TRPC7: variants seen among roughly 807,000 people sequenced by gnomAD.
TRPC7 encodes the protein transient receptor potential cation channel subfamily C member 7.
TRPC7 carries 42 observed loss-of-function variants against 90.1 expected under a neutral mutation model. The ratio of observed to expected loss-of-function variants is 0.47; its 90% CI spans 0.36 to 0.60. The LOEUF is 0.60. TRPC7 is among the 20% of genes least tolerant of loss of function. The pLI is 0.00. For synonymous variants in TRPC7, 451 were observed against 436.3 expected, an observed-to-expected ratio of 1.03 and a Z score of -0.42; for missense variants, 955 against 1,112.3, an observed-to-expected ratio of 0.86 and a Z score of 2.01.
chr5:136,301,346 TTTTTTTTTTTTTTTA>T lies in TRPC7; in HGVS notation c.963+14236_963+14250del, dbSNP rs1293281784. ...CCAGCCCAGGCATTTTTTTTTTTTT[TTTTTTTTTTTTTTTA>T]ACAAATCATAGTTGTCAGGCCTCTG... On this transcript the variant is annotated intron_variant, in intron 3 of 11. Coordinates refer to ENST00000513104, the MANE Select transcript of TRPC7 (RefSeq NM_020389.3). Among the ~76,000 whole-genome samples the T allele has an allele frequency of 1.6e-3, 194 of 122,556 alleles. 1 individual carries two copies. The highest frequency in any genetic ancestry group is 5.9e-3 in the African/African-American group (189 of 31,840). 80.4% of individuals were successfully genotyped at this position (122,556 alleles called of 152,430 possible).
chr5:136,216,327 C>T, intron 10 of TRPC7, 52 bp from the exon 11 acceptor site: 1 of 1,459,932 alleles, frequency 6.8e-7, no homozygotes, highest in Non-Finnish European at 9.5e-7. Flanking sequence ...AATGCAGAGG[C>T]AGCCTGCGTG....
intron 2 of TRPC7, among the ~76,000 whole-genome samples, chr5:136,337,115 G>C (rs2149849832): frequency 6.6e-6 from 1 of 152,298 alleles, no homozygotes; most frequent in Non-Finnish European, 1.5e-5. Context: ...CCTGGGAAGA[G>C]TCTGTCCACA....
intron 2 of TRPC7, among the ~76,000 whole-genome samples, chr5:136,330,698 C>A (rs1561721774): frequency 6.6e-6 from 1 of 152,244 alleles, no homozygotes; most frequent in Non-Finnish European, 1.5e-5. Flanking sequence ...GGAGATGAGA[C>A]TGGCTGAGCT....
At chr5:136,240,277 C>T (rs1756119357) in intron 7 of TRPC7, among the ~76,000 whole-genome samples, 1 of 152,290 alleles carries the variant, frequency 6.6e-6, no homozygotes, top group Admixed American at 6.5e-5. Flanking sequence ...AGTGCTTCCT[C>T]CTCCCTGTGC....
chr5:136,239,557 G>C (rs552669075), intron 7 of TRPC7, among the ~76,000 whole-genome samples: 1 of 152,286 alleles, frequency 6.6e-6, no homozygotes, highest in African/African-American at 2.4e-5. Context: ...CCTCTCCCTC[G>C]GTTTCTCTCA....
chr5:136,227,809 T>C (rs1170808144), intron 8 of TRPC7, among the ~76,000 whole-genome samples: 4 of 152,188 alleles, frequency 2.6e-5, no homozygotes, highest in African/African-American at 9.7e-5. Flanking sequence ...AGTTTCCTCA[T>C]CTGTAATATA....
intron 1 of TRPC7, among the ~76,000 whole-genome samples, chr5:136,359,178 C>A (rs1287768911): frequency 6.6e-6 from 1 of 152,166 alleles, no homozygotes; most frequent in African/African-American, 2.4e-5. Flanking sequence ...CCTGCTCAAA[C>A]CTTTTTGGTT....
intron 1 of TRPC7, among the ~76,000 whole-genome samples, chr5:136,359,634 G>A (rs1260209910): frequency 6.6e-6 from 1 of 152,138 alleles, no homozygotes; most frequent in Non-Finnish European, 1.5e-5. Flanking sequence ...TTCACAAATA[G>A]TGTGCAGGCA....
intron 3 of TRPC7, among the ~76,000 whole-genome samples, chr5:136,313,978 CACTA>C (rs1369438400): frequency 2.0e-5 from 3 of 152,212 alleles, no homozygotes; most frequent in African/African-American, 4.8e-5. Flanking sequence ...CAGACTTCTG[CACTA>C]ACTGAGTAAC....
chr5:136,216,474 T>A (rs1755273108), intron 10 of TRPC7, among the ~76,000 whole-genome samples, 199 bp from the exon 11 acceptor site: 1 of 152,170 alleles, frequency 6.6e-6, no homozygotes, highest in African/African-American at 2.4e-5. Context: ...CCCCGCAGGA[T>A]GCAATGTGCA....
intron 5 of TRPC7, among the ~76,000 whole-genome samples, chr5:136,253,289 T>G (rs1163330783): frequency 6.6e-6 from 1 of 152,204 alleles, no homozygotes; most frequent in African/African-American, 2.4e-5. Flanking sequence ...CCTTCACATT[T>G]ACTGATTACT....
chr5:136,343,883 C>T (rs1759923170), intron 2 of TRPC7, among the ~76,000 whole-genome samples: 1 of 152,074 alleles, frequency 6.6e-6, no homozygotes, highest in African/African-American at 2.4e-5. Flanking sequence ...ATTTTTAATA[C>T]CTCAAGACAG....
intron 2 of TRPC7, among the ~76,000 whole-genome samples, chr5:136,340,786 A>G (rs1205821976): frequency 6.6e-6 from 1 of 152,138 alleles, no homozygotes; most frequent in African/African-American, 2.4e-5. Context: ...AAAATACAGT[A>G]AAAACAGTAA....
At chr5:136,301,945 G>A (rs1480167254) in intron 3 of TRPC7, among the ~76,000 whole-genome samples, 4 of 152,162 alleles carry the variant, frequency 2.6e-5, no homozygotes, top group Admixed American at 1.3e-4. Context: ...TCCTCACACC[G>A]ACCAGCCCAA....
At chr5:136,253,146 TTGG>T (rs1756578753) in intron 5 of TRPC7, among the ~76,000 whole-genome samples, 1 of 152,216 alleles carries the variant, frequency 6.6e-6, no homozygotes, top group Non-Finnish European at 1.5e-5. Flanking sequence ...GATTAATATT[TTGG>T]ATATGATAGG....
intron 5 of TRPC7, among the ~76,000 whole-genome samples, chr5:136,253,364 T>C (rs947797132): frequency 6.6e-6 from 1 of 152,222 alleles, no homozygotes; most frequent in Non-Finnish European, 1.5e-5. Flanking sequence ...CTTTGCTTTA[T>C]TGTGCTTCAC....
chr5:136,223,320 A>T (rs1258474288), intron 10 of TRPC7, among the ~76,000 whole-genome samples: 3 of 152,204 alleles, frequency 2.0e-5, no homozygotes, highest in Non-Finnish European at 4.4e-5. Flanking sequence ...ACTGCTTTTG[A>T]AAATGGTCTC....
rs368396777 is a variant in TRPC7 at position 136,251,782 on chromosome 5, G to A, written c.1446C>T (p.Phe482=). ...NLLDFGMLSI[F]VASFTARFMA... is the part of the protein sequence containing the mutation. ...TGAAGCGTGCTGTGAAGGAGGCCAC[G>A]AAGATGGACAGCATCCCGAAATCTA... is the stretch of plus-strand genomic sequence containing the variant. The change falls in exon 6 of 12, where the codon TTC becomes TTT. Residue 482 remains phenylalanine (F), a synonymous_variant. Coordinates refer to ENST00000513104, the MANE Select transcript of TRPC7 (RefSeq NM_020389.3). 1.1e-5 allele frequency: 18 copies of A among 1,614,008 alleles called. No individual in the cohort carries two copies. The highest frequency in any genetic ancestry group is 1.7e-5 in the Admixed American group (1 of 60,022).
At position 136,247,725 on chromosome 5, in the gene TRPC7, C is replaced by T. The variant is rs1199355308; in HGVS notation, c.1590G>A (p.Lys530=). 1.9e-6 allele frequency: 3 copies of T among 1,612,102 alleles called. No individual in the cohort carries two copies. The highest frequency in any genetic ancestry group is 2.5e-6 in the Non-Finnish European group (3 of 1,178,424). The change falls in exon 7 of 12, where the codon AAG becomes AAA. Residue 530 remains lysine (K), a synonymous_variant. Coordinates refer to ENST00000513104, the MANE Select transcript of TRPC7 (RefSeq NM_020389.3). This position sits in a 1 kb window ranked among gnomAD's most constrained non-coding sequence, Gnocchi z 4.2. ...EVAYFTYARD[K]WWPSDPQIIS... ...TGATCTGAGGGTCTGAAGGCCACCACTTGTCCCTGGCTAAAAGAAAACAAT... is the reference window on the plus strand; with the variant it reads ...TGATCTGAGGGTCTGAAGGCCACCATTTGTCCCTGGCTAAAAGAAAACAAT...
Sources: allele counts gnomAD v4.1 joint callset (sites outside exome capture counted in the v4.1 genomes callset), GRCh38; gene constraint gnomAD v4.1.1; non-coding constraint Gnocchi (gnomAD v3.1); transcripts MANE v1.5; gene names NCBI Gene and HGNC (gene_info 2026-07-23, HGNC 2026-07-21).